The following SORCS2 variants were observed in gnomAD, a reference collection of about 807,000 sequenced individuals.
SORCS2 encodes sortilin related VPS10 domain containing receptor 2.
In SORCS2, 100 loss-of-function variants were observed where a neutral mutation model predicts 141.6. That is an observed-to-expected ratio of 0.71 (90% CI 0.60 to 0.83). The LOEUF is 0.83. Among genes scored for constraint, SORCS2 ranks in the 40% least tolerant of loss-of-function variants. The pLI is 0.00. For missense variants in SORCS2, 1,646 were observed against 1,560.2 expected (o/e 1.05, Z -0.93); for synonymous variants, 789 against 676.9 (o/e 1.17, Z -2.57).
rs200183228 is a variant in SORCS2, at chr4:7,728,410, C to A, written c.2930C>A (p.Thr977Asn). Residue 977 changes from threonine (T) to asparagine (N), a missense_variant, in exon 22 of 27, where the codon ACC becomes AAC. Transcript: ENST00000507866. The part of the protein sequence containing the change: ...SKELDAYNPN[T>N]PEWREDVGLV... ...GAGCTGGATGCCTACAACCCCAACA[C>A]CCCTGAGTGGAGGGAAGACGTGGGC... 1.4e-3 allele frequency: 2,291 copies of A among 1,613,810 alleles called. 7 individuals are homozygous for A. Among genetic ancestry groups the A allele is most frequent in the Non-Finnish European group, 1.4e-3 (1,618 of 1,179,840 alleles).
intron 3 of SORCS2, among the ~76,000 whole-genome samples, chr4:7,542,908 A>T (rs1712795507): frequency 6.6e-6 from 1 of 152,174 alleles, no homozygotes; most frequent in Non-Finnish European, 1.5e-5. Flanking sequence ...CTTAGGAGGG[A>T]TGAAAGCAGG....
intron 2 of SORCS2, among the ~76,000 whole-genome samples, chr4:7,486,134 G>C (rs577944692): frequency 2.0e-5 from 3 of 152,134 alleles, no homozygotes; most frequent in African/African-American, 7.2e-5. Flanking sequence ...CCCCTCGTGC[G>C]CGTGACAGGG....
Position 7,193,327 on chromosome 4 carries a change from G to A in SORCS2, c.480+201G>A, listed in dbSNP as rs4689630. On this transcript the variant is annotated intron_variant, in intron 1 of 26. Transcript: ENST00000507866. The surrounding 1 kb of genome is among the most constrained non-coding windows in gnomAD (Gnocchi z 4.8). ...TACTTGGGGAGAGGTCCTCAGATTC[G>A]TACGCTTGTCTCACCGCAGGGGACA... 0.32 allele frequency among the ~76,000 whole-genome samples: 48,568 copies of A among 152,060 alleles called. 8,208 individuals carry two copies. Among genetic ancestry groups the A allele is most frequent in the East Asian group, 0.47 (2,435 of 5,140 alleles).
intron 4 of SORCS2, among the ~76,000 whole-genome samples, chr4:7,646,849 C>CCTGTGTGAACAGGAACAGTT (rs1721114281): frequency 6.6e-6 from 1 of 152,190 alleles, no homozygotes; most frequent in Admixed American, 6.5e-5. Flanking sequence ...AATACAGCTT[C>CCTGTGTGAACAGGAACAGTT]CTGTGTGAAC....
chr4:7,729,565 A>G, intron 22 of SORCS2, 22 bp from the exon 23 acceptor site: 1 of 1,568,102 alleles, frequency 6.4e-7, no homozygotes, highest in Non-Finnish European at 8.6e-7. Flanking sequence ...GGCGGACCAA[A>G]GTGGCTTAAC....
At chr4:7,627,480 T>G (rs739777) in intron 3 of SORCS2, among the ~76,000 whole-genome samples, 1 of 152,114 alleles carries the variant, frequency 6.6e-6, no homozygotes, top group Non-Finnish European at 1.5e-5. Flanking sequence ...GGGGGGTGAA[T>G]GGGGCCCTCG....
chr4:7,427,094 C>G (rs779161316), intron 2 of SORCS2, among the ~76,000 whole-genome samples: 2 of 152,162 alleles, frequency 1.3e-5, no homozygotes, highest in African/African-American at 2.4e-5. Context: ...GGGTGACAGC[C>G]TGGATCTGGA....
intron 10 of SORCS2, among the ~76,000 whole-genome samples, chr4:7,684,639 G>C (rs913181394): frequency 2.6e-5 from 4 of 152,174 alleles, no homozygotes; most frequent in Admixed American, 6.5e-5. Context: ...AAAATAGAAA[G>C]AACAAAAGTA....
rs188195983 is a variant in SORCS2 at position 7,237,413 on chromosome 4, T to A, written c.480+44287T>A. Among the ~76,000 whole-genome samples, 28 of 152,314 alleles carry A rather than the reference T, an allele frequency of 1.8e-4. No homozygotes were observed. In the East Asian group the frequency reaches 5.2e-3, roughly 28 times the overall value. On this transcript the variant is annotated intron_variant, in intron 1 of 26. Coordinates refer to ENST00000507866, the MANE Select transcript of SORCS2 (RefSeq NM_020777.3). ...GGCTGCTGGTCTCAGGTGGCCACAGTGACCCACAGTGGCTCCTCCCAAGGG... is the reference window on the plus strand; with the variant it reads ...GGCTGCTGGTCTCAGGTGGCCACAGAGACCCACAGTGGCTCCTCCCAAGGG...
chr4:7,523,714 T>C (rs1159149282), intron 2 of SORCS2, among the ~76,000 whole-genome samples: 5 of 152,176 alleles, frequency 3.3e-5, no homozygotes, highest in East Asian at 1.9e-4. Context: ...GCCGCTGTTA[T>C]GTGATTGGAC....
At chr4:7,652,509 GC>G (rs930777194) in intron 4 of SORCS2, among the ~76,000 whole-genome samples, 10 of 152,024 alleles carry the variant, frequency 6.6e-5, no homozygotes, top group African/African-American at 2.2e-4. Flanking sequence ...CCCCGACCCC[GC>G]CCACTCCTCC....
chr4:7,740,864 ACT>A lies in SORCS2; in HGVS notation c.*605_*606del, dbSNP rs528863939. On this transcript the variant is annotated 3_prime_UTR_variant, in exon 27 of 27. Transcript: ENST00000507866. ...CTGCTGGCGGTGGTGGGGGTGTCTC[ACT>A]CTCTGTCTTTATAGCCGGCGGTAGC... 3.6e-3 allele frequency: 1,410 copies of A among 393,088 alleles called. 3 individuals are homozygous for A. Among genetic ancestry groups the A allele is most frequent in the Non-Finnish European group, 5.4e-3 (1,211 of 223,572 alleles). The allele number at this position is 393,088 out of a possible 1,614,324, so 24.4% of individuals were successfully genotyped here.
chr4:7,376,434 G>A (rs1035230328), intron 1 of SORCS2, among the ~76,000 whole-genome samples: 32 of 152,218 alleles, frequency 2.1e-4, no homozygotes, highest in African/African-American at 5.8e-4. Flanking sequence ...AAAATTAGCC[G>A]GGTGTGGTGG....
chr4:7,274,667 T>C (rs897138411), intron 1 of SORCS2, among the ~76,000 whole-genome samples: 3 of 152,068 alleles, frequency 2.0e-5, no homozygotes, highest in African/African-American at 7.2e-5. Context: ...ACCTCCAACA[T>C]TGGGGATTAC....
intron 2 of SORCS2, among the ~76,000 whole-genome samples, chr4:7,505,713 C>A (rs1305417582): frequency 6.6e-6 from 1 of 152,154 alleles, no homozygotes; most frequent in Admixed American, 6.5e-5. Flanking sequence ...GACGCAGCAG[C>A]AAGGCCCCAG....
chr4:7,433,763 G>T (rs751086380), intron 2 of SORCS2: 3 of 1,613,184 alleles, frequency 1.9e-6, no homozygotes, highest in Non-Finnish European at 2.5e-6. Context: ...TGGACTGCCC[G>T]GGCCCGCCTC....
intron 3 of SORCS2, among the ~76,000 whole-genome samples, chr4:7,637,252 C>T (rs902861055): frequency 5.3e-5 from 8 of 152,214 alleles, no homozygotes; most frequent in Non-Finnish European, 1.0e-4. Flanking sequence ...GCAGACCCAA[C>T]ACCTGGCTGC....
chr4:7,428,609 A>G (rs1726613394), intron 2 of SORCS2, among the ~76,000 whole-genome samples: 1 of 152,122 alleles, frequency 6.6e-6, no homozygotes, highest in Admixed American at 6.5e-5. Flanking sequence ...GGAAGGCCTG[A>G]ACCGCAGGAG....
chr4:7,392,727 A>G lies in SORCS2; in HGVS notation c.481-3561A>G, dbSNP rs974961677. On this transcript the variant is annotated intron_variant, in intron 1 of 26. Transcript: ENST00000507866. ...TCTGCTTGTCCCGTGCTTAGGAGGC[A>G]GGCATCACAGAGGGGGGAGGGCAGC... is the stretch of plus-strand genomic sequence containing the variant. 2.6e-5 allele frequency among the ~76,000 whole-genome samples: 4 copies of G among 152,102 alleles called. No individual in the cohort carries two copies. The East Asian group carries it at 7.8e-4, about 30-fold the overall frequency.
Sources: gnomAD v4.1 joint callset for allele counts (sites outside exome capture counted in the v4.1 genomes callset) on GRCh38, gnomAD v4.1.1 for gene constraint, Gnocchi (gnomAD v3.1) non-coding constraint, MANE v1.5 for transcripts, NCBI Gene and HGNC (gene_info 2026-07-23, HGNC 2026-07-21) for gene names.